The following FAM118A variants were observed in gnomAD, a reference collection of about 807,000 sequenced individuals.
FAM118A encodes protein FAM118A.
A neutral mutation model predicts 38.2 loss-of-function variants in FAM118A; 25 were observed. The ratio of observed to expected loss-of-function variants is 0.65; its 90% CI spans 0.48 to 0.91. The LOEUF is 0.91. FAM118A is among the 40% of genes least tolerant of loss of function. The pLI, the probability that FAM118A is intolerant of heterozygous loss-of-function variation, is 0.00. For missense variants in FAM118A, 425 were observed against 463.3 expected, an observed-to-expected ratio of 0.92 and a Z score of 0.76; for synonymous variants, 178 against 184.1, an observed-to-expected ratio of 0.97 and a Z score of 0.27.
At chr22:45,330,838 CT>C in intron 5 of FAM118A, 107 bp downstream of exon 5, 1 of 1,294,226 alleles carries the variant, frequency 7.7e-7, no homozygotes, top group South Asian at 2.2e-5. Context: ...CGTCCGTGCC[CT>C]TCAGGTCGGC....
intron 3 of FAM118A, among the ~76,000 whole-genome samples, chr22:45,324,609 C>T (rs745820095): frequency 4.6e-5 from 7 of 152,222 alleles, no homozygotes; most frequent in Admixed American, 6.5e-5. Context: ...TGGAAATGTA[C>T]AGCCTTGGGC....
chr22:45,334,875 C>G (rs1361695655), intron 6 of FAM118A: 3 of 157,790 alleles, frequency 1.9e-5, no homozygotes, highest in South Asian at 3.8e-4. Context: ...AGAACAGGAC[C>G]CAGAGTAACC....
chr22:45,322,640 CAT>C, intron 2 of FAM118A, among the ~76,000 whole-genome samples: 1 of 152,334 alleles, frequency 6.6e-6, no homozygotes, highest in Admixed American at 6.5e-5. Flanking sequence ...AACCAAGCAA[CAT>C]GTCATTAGAG....
At chr22:45,333,221 A>C (rs983475145) in intron 6 of FAM118A, among the ~76,000 whole-genome samples, 1 of 152,138 alleles carries the variant, frequency 6.6e-6, no homozygotes, top group Admixed American at 6.5e-5. Context: ...ACAGTCTGTA[A>C]CTAGAACTTT....
chr22:45,340,113 A>G (rs1015224484), intron 8 of FAM118A, among the ~76,000 whole-genome samples: 1 of 152,210 alleles, frequency 6.6e-6, no homozygotes, highest in Non-Finnish European at 1.5e-5. Flanking sequence ...TCCTCAGTCC[A>G]CTAAGAAATA....
chr22:45,330,190 G>A (rs74486597), intron 4 of FAM118A, among the ~76,000 whole-genome samples: 9,191 of 152,278 alleles, frequency 0.06, 382 homozygotes, highest in Non-Finnish European at 0.087. Context: ...CTATGTAACT[G>A]TCTGTCTTTA....
At position 45,330,697 on chromosome 22, in the gene FAM118A, G is replaced by T; in HGVS notation, c.617G>T (p.Gly206Val). Residue 206 changes from glycine to valine, a missense_variant, in exon 5 of 9, where the codon GGG (glycine) becomes GTG (valine). Physicochemically the swap from Gly to Val is moderately radical, Grantham distance 109. Transcript: ENST00000441876. Reference sequence around the variant, plus strand: ...TGCGGGGTGGTGCTGGACCCATCGGGGTATAAAGACGTCACTCAAGACGCA... The same window carrying T: ...TGCGGGGTGGTGCTGGACCCATCGGTGTATAAAGACGTCACTCAAGACGCA... ...DPCGVVLDPS[G>V]YKDVTQDAEV... is the part of the protein sequence containing the mutation. The T allele has an allele frequency of 6.3e-7, 1 of 1,588,334 alleles. No individual in the cohort carries two copies. The highest frequency in any genetic ancestry group is 8.5e-7 in the Non-Finnish European group (1 of 1,170,050).
rs922900406 is a variant in FAM118A, at chr22:45,310,064, C to A, written c.-129C>A. 4 of 152,052 alleles carry A rather than the reference C, an allele frequency of 2.6e-5. No homozygotes were observed. Among genetic ancestry groups the A allele is most frequent in the Non-Finnish European group, 4.4e-5 (3 of 67,982 alleles). 9.4% of individuals were successfully genotyped at this position (152,052 alleles called of 1,614,324 possible). A position where few individuals can be genotyped will look rare whatever the true frequency, so the allele number is the denominator to read the frequency against. ...GCGCAGTCCCCTCCCCGAGAACCATCCCCTTGCCCCGCCCAGCGTCAGGGG... is the reference window on the plus strand; with the variant it reads ...GCGCAGTCCCCTCCCCGAGAACCATACCCTTGCCCCGCCCAGCGTCAGGGG... On this transcript the variant is annotated 5_prime_UTR_variant, in exon 1 of 9. Coordinates refer to ENST00000441876, the MANE Select transcript of FAM118A (RefSeq NM_017911.4).
At chr22:45,325,367 G>C (rs1454631346) in intron 3 of FAM118A, among the ~76,000 whole-genome samples, 1 of 152,198 alleles carries the variant, frequency 6.6e-6, no homozygotes, top group Non-Finnish European at 1.5e-5. Flanking sequence ...GCTGAGAGTT[G>C]GTTGCATCAG....
chr22:45,340,437 C>G lies in FAM118A; in HGVS notation c.*32C>G. 6.2e-7 allele frequency: 1 copy of G among 1,613,404 alleles called. No homozygotes were observed. Among genetic ancestry groups the G allele is most frequent in the Non-Finnish European group, 8.5e-7 (1 of 1,179,302 alleles). On this transcript the variant is annotated 3_prime_UTR_variant, in exon 9 of 9. Coordinates refer to ENST00000441876, the MANE Select transcript of FAM118A (RefSeq NM_017911.4). ...TACAGTAAAACCTGCAACTTGAAAACTAGCCTTCTGTAACCACAGTGCCCA... is the reference window on the plus strand; with the variant it reads ...TACAGTAAAACCTGCAACTTGAAAAGTAGCCTTCTGTAACCACAGTGCCCA...
At chr22:45,333,140 C>G (rs946461187) in intron 6 of FAM118A, among the ~76,000 whole-genome samples, 6 of 152,158 alleles carry the variant, frequency 3.9e-5, no homozygotes, top group Non-Finnish European at 5.9e-5. Flanking sequence ...ATTCACCAGT[C>G]TTCGTTATTA....
chr22:45,311,652 G>C (rs552832198), intron 1 of FAM118A, among the ~76,000 whole-genome samples: 63 of 152,258 alleles, frequency 4.1e-4, no homozygotes, highest in African/African-American at 1.3e-3. Context: ...GCCATTGAAG[G>C]GCTTTGGGAG....
At chr22:45,335,926 A>T (rs2086058340) in intron 7 of FAM118A, among the ~76,000 whole-genome samples, 1 of 152,200 alleles carries the variant, frequency 6.6e-6, no homozygotes, top group African/African-American at 2.4e-5. Flanking sequence ...TCATTTGGGT[A>T]AAAGGGACTC....
intron 3 of FAM118A, among the ~76,000 whole-genome samples, chr22:45,324,015 T>C (rs2085077086): frequency 6.6e-6 from 1 of 152,238 alleles, no homozygotes; most frequent in Non-Finnish European, 1.5e-5. Flanking sequence ...GCTGGGAAGC[T>C]GGACCCTATG....
At chr22:45,320,097 C>T (rs1391787836) in intron 1 of FAM118A, among the ~76,000 whole-genome samples, 1 of 152,192 alleles carries the variant, frequency 6.6e-6, no homozygotes, top group African/African-American at 2.4e-5. Flanking sequence ...TTTCCTTACC[C>T]TGGAAAATTA....
At chr22:45,330,490 AT>A in intron 4 of FAM118A, 112 bp from the exon 5 acceptor site, 4 of 1,222,432 alleles carry the variant, frequency 3.3e-6, no homozygotes, top group Non-Finnish European at 3.3e-6. Flanking sequence ...GCATCTCTCG[AT>A]GATTCTTTCC....
intron 1 of FAM118A, among the ~76,000 whole-genome samples, chr22:45,311,764 G>GA (rs2084376173): frequency 6.6e-6 from 1 of 152,172 alleles, no homozygotes; most frequent in Non-Finnish European, 1.5e-5. Context: ...GGGTGACCTG[G>GA]ACCAAGGCGG....
intron 5 of FAM118A, among the ~76,000 whole-genome samples, chr22:45,331,089 C>T (rs991429459): frequency 2.6e-5 from 4 of 152,186 alleles, no homozygotes; most frequent in Non-Finnish European, 5.9e-5. Flanking sequence ...AGGCCCCGTG[C>T]AGTCTAGAAT....
At position 45,311,134 on chromosome 22, in the gene FAM118A, G is replaced by T. The variant is rs1266235188; in HGVS notation, c.-10+951G>T. Among the ~76,000 whole-genome samples, 4 of 152,296 alleles carry T rather than the reference G, an allele frequency of 2.6e-5. No individual in the cohort carries two copies. The East Asian group carries it at 7.7e-4, about 29-fold the overall frequency. Reference sequence around the variant, plus strand: ...TGTTAAGGAGGGCGTCTTAGGAGTCGTGGGGAGGAGATGCTAAGCAGCAGG... The same window carrying T: ...TGTTAAGGAGGGCGTCTTAGGAGTCTTGGGGAGGAGATGCTAAGCAGCAGG... On this transcript the variant is annotated intron_variant, in intron 1 of 8. Transcript: ENST00000441876.
Sources: allele counts gnomAD v4.1 joint callset (sites outside exome capture counted in the v4.1 genomes callset), GRCh38; gene constraint gnomAD v4.1.1; transcripts MANE v1.5; gene names NCBI Gene and HGNC (gene_info 2026-07-23, HGNC 2026-07-21).